The following FBXL2 variants were observed in gnomAD, a reference collection of about 807,000 sequenced individuals.
FBXL2 encodes F-box/LRR-repeat protein 2.
FBXL2 carries 38 observed loss-of-function variants against 69.2 expected under a neutral mutation model. That is an observed-to-expected ratio of 0.55 (90% CI 0.42 to 0.72). FBXL2 has a LOEUF of 0.72. Among genes scored for constraint, FBXL2 ranks in the 30% least tolerant of loss-of-function variants. The pLI is 0.00. For missense variants in FBXL2, 354 were observed against 520.3 expected, an observed-to-expected ratio of 0.68 and a Z score of 3.11; for synonymous variants, 192 against 201.3, an observed-to-expected ratio of 0.95 and a Z score of 0.39.
downstream of FBXL2, among the ~76,000 whole-genome samples, chr3:33,405,648 G>A (rs558012713): frequency 8.5e-5 from 13 of 152,244 alleles, no homozygotes; most frequent in East Asian, 1.5e-3. Flanking sequence ...GGAACACAGC[G>A]AGAACCTGTC....
intron 2 of FBXL2, among the ~76,000 whole-genome samples, chr3:33,322,799 T>C (rs1161466020): frequency 6.6e-6 from 1 of 152,204 alleles, no homozygotes; most frequent in Non-Finnish European, 1.5e-5. Context: ...TAAGGTGTCA[T>C]ATATTGTGTG....
At chr3:33,321,429 C>A (rs1176223463) in intron 2 of FBXL2, among the ~76,000 whole-genome samples, 1 of 152,076 alleles carries the variant, frequency 6.6e-6, no homozygotes, top group Non-Finnish European at 1.5e-5. Flanking sequence ...AAAGATACTT[C>A]ACATCACTAG....
chr3:33,360,306 T>C (rs1010847426), intron 4 of FBXL2, among the ~76,000 whole-genome samples: 1 of 152,236 alleles, frequency 6.6e-6, no homozygotes, highest in Non-Finnish European at 1.5e-5. Flanking sequence ...TAACCTGGCT[T>C]GACCTAGACA....
At chr3:33,341,675 C>CA (rs1428465867) in intron 2 of FBXL2, among the ~76,000 whole-genome samples, 1 of 151,524 alleles carries the variant, frequency 6.6e-6, no homozygotes, top group Non-Finnish European at 1.5e-5. Context: ...ACTAAAAATA[C>CA]AAAAATTAGC....
Position 33,381,072 on chromosome 3 carries a change from C to T in FBXL2, c.951+2331C>T, listed in dbSNP as rs926650612. ...ACTGCTGTGTGAACCATGTTGGCAG[C>T]GGATTTTCCTGTTAACTCAGAACAG... On this transcript the variant is annotated intron_variant, in intron 13 of 14. Coordinates refer to ENST00000484457, the MANE Select transcript of FBXL2 (RefSeq NM_012157.5). Among the ~76,000 whole-genome samples the T allele has an allele frequency of 3.3e-5, 5 of 152,160 alleles. No homozygotes were observed. In the East Asian group the frequency reaches 7.7e-4, roughly 24 times the overall value.
intron 2 of FBXL2, among the ~76,000 whole-genome samples, chr3:33,305,821 G>A (rs1387835366): frequency 6.6e-6 from 1 of 151,512 alleles, no homozygotes; most frequent in Non-Finnish European, 1.5e-5. Context: ...TTTTACATTG[G>A]TAAAACTCTT....
chr3:33,315,812 T>C (rs2037634975), intron 2 of FBXL2, among the ~76,000 whole-genome samples: 1 of 152,162 alleles, frequency 6.6e-6, no homozygotes, highest in South Asian at 2.1e-4. Flanking sequence ...GTTTTAATCA[T>C]AGGGATATTA....
rs1484928445 is a variant in FBXL2 at position 33,383,721 on chromosome 3, G to T, written c.952-268G>T. ...AGTGTAGCAAACCCATAACCAAAGGGCCCCAAGGCTTTGTGTTTGGTCCTC... is the reference window on the plus strand; with the variant it reads ...AGTGTAGCAAACCCATAACCAAAGGTCCCCAAGGCTTTGTGTTTGGTCCTC... On this transcript the variant is annotated intron_variant, in intron 13 of 14. Coordinates refer to ENST00000484457, the MANE Select transcript of FBXL2 (RefSeq NM_012157.5). 5 of 432,070 alleles carry T rather than the reference G, an allele frequency of 1.2e-5. No individual in the cohort carries two copies. The East Asian group carries it at 2.2e-4, about 19-fold the overall frequency. 26.8% of individuals were successfully genotyped at this position (432,070 alleles called of 1,614,324 possible). A position where few individuals can be genotyped will look rare whatever the true frequency, so the allele number is the denominator to read the frequency against.
chr3:33,411,875 G>T, the FBXL2 span, among the ~76,000 whole-genome samples: 1 of 150,472 alleles, frequency 6.6e-6, no homozygotes, highest in Non-Finnish European at 1.5e-5. Flanking sequence ...CCCCTACCAT[G>T]GTTTGTATTT....
intron 2 of FBXL2, among the ~76,000 whole-genome samples, chr3:33,336,125 C>G (rs2039558202): frequency 6.6e-6 from 1 of 151,990 alleles, no homozygotes; most frequent in Admixed American, 6.6e-5. Flanking sequence ...TAGAAATGTC[C>G]TAGAATAGCC....
intron 2 of FBXL2, among the ~76,000 whole-genome samples, chr3:33,340,576 TAA>T (rs111348589): frequency 0.025 from 2,768 of 110,070 alleles, 56 homozygotes; most frequent in South Asian, 0.07. Context: ...TTATTTTGAT[TAA>T]AAAAAAAAAA....
rs1222034656 is a variant in FBXL2 at position 33,373,302 on chromosome 3, T to A, written c.402T>A (p.His134Gln). Residue 134 changes from histidine to glutamine, a missense_variant, in exon 7 of 15, where the codon CAT becomes CAA. Physicochemically the swap from His to Gln is conservative, Grantham distance 24. Coordinates refer to ENST00000484457, the MANE Select transcript of FBXL2 (RefSeq NM_012157.5). ...SLSRFCSKLK[H>Q]LDLTSCVSIT... ...GCAGATTCTGTTCCAAGCTGAAACA[T>A]CTGGATCTGACCTCCTGTGTGTCTA... 6.2e-7 allele frequency: 1 copy of A among 1,614,170 alleles called. No homozygotes were observed. Among genetic ancestry groups the A allele is most frequent in the Non-Finnish European group, 8.5e-7 (1 of 1,180,018 alleles).
chr3:33,322,946 C>T (rs1490389622), intron 2 of FBXL2, among the ~76,000 whole-genome samples: 2 of 152,180 alleles, frequency 1.3e-5, no homozygotes, highest in Admixed American at 1.3e-4. Flanking sequence ...CTGTATCTCC[C>T]TTTGCTGTCT....
chr3:33,411,402 A>C, the FBXL2 span, among the ~76,000 whole-genome samples: 1 of 152,246 alleles, frequency 6.6e-6, no homozygotes, highest in Non-Finnish European at 1.5e-5. Flanking sequence ...ATGTCTTCAT[A>C]TATGTTAGTT....
chr3:33,400,431 G>A, intron 12 of FBXL2: 2 of 555,594 alleles, frequency 3.6e-6, no homozygotes, highest in Non-Finnish European at 6.2e-6. Flanking sequence ...GCAGGCCCTT[G>A]TCAGAAACTT....
At chr3:33,374,403 ATTG>A in intron 9 of FBXL2, among the ~76,000 whole-genome samples, 1 of 152,358 alleles carries the variant, frequency 6.6e-6, no homozygotes, top group South Asian at 2.1e-4. Context: ...ATGAAAAACT[ATTG>A]GTCCTTCTCC....
intron 2 of FBXL2, among the ~76,000 whole-genome samples, chr3:33,304,291 A>G (rs749548382): frequency 3.3e-5 from 5 of 152,090 alleles, no homozygotes; most frequent in African/African-American, 4.8e-5. Context: ...CATAAAGGTA[A>G]TATTATCAAC....
chr3:33,290,221 A>C, intron 1 of FBXL2, among the ~76,000 whole-genome samples: 1 of 152,198 alleles, frequency 6.6e-6, no homozygotes, highest in Non-Finnish European at 1.5e-5. Context: ...TTCACCCTGA[A>C]ATTATTATAA....
At chr3:33,401,639 GCT>G (rs2044233170) in intron 12 of FBXL2, among the ~76,000 whole-genome samples, 1 of 152,142 alleles carries the variant, frequency 6.6e-6, no homozygotes, top group African/African-American at 2.4e-5. Flanking sequence ...TGCCTCAATT[GCT>G]TAGGTTTATT....
Sources: gnomAD v4.1 joint callset for allele counts (sites outside exome capture counted in the v4.1 genomes callset) on GRCh38, gnomAD v4.1.1 for gene constraint, MANE v1.5 for transcripts, NCBI Gene and HGNC (gene_info 2026-07-23, HGNC 2026-07-21) for gene names.